SMPD4: variants seen among roughly 807,000 people sequenced by gnomAD.
The protein encoded by SMPD4 is sphingomyelin phosphodiesterase 4.
Under a neutral mutation model 97.8 loss-of-function variants are expected in SMPD4, and 58 were observed. The observed-to-expected ratio is 0.59, with a 90% CI of 0.48 to 0.74. The LOEUF (loss-of-function observed/expected upper bound fraction) is 0.74, where lower values mean the gene tolerates loss of function less well. SMPD4 is among the 30% of genes least tolerant of loss of function. The pLI, the probability that SMPD4 is intolerant of heterozygous loss-of-function variation, is 0.00. For missense variants in SMPD4, 853 were observed against 1,080.5 expected, an observed-to-expected ratio of 0.79 and a Z score of 2.95; for synonymous variants, 388 against 450.0, an observed-to-expected ratio of 0.86 and a Z score of 1.74.
At position 130,157,371 on chromosome 2, in the gene SMPD4, T is replaced by G; in HGVS notation, c.977A>C (p.His326Pro). Residue 326 changes from histidine to proline, a missense_variant, in exon 12 of 20, where the codon CAT (histidine) becomes CCT (proline). Around this residue, in one of 3 missense-constraint regions of SMPD4, gnomAD observed 29 missense variants for 70.2 expected, o/e 0.41. Transcript: ENST00000680298. ...CAGCAGCAGGCGCACCACCAACACA[T>G]GCTCCTCAGTAGGCGTGAACGACTC... ...YQESFTPTEE[H>P]VLVVRLLLKH... The G allele has an allele frequency of 6.2e-7, 1 of 1,607,908 alleles. No homozygotes were observed. Among genetic ancestry groups the G allele is most frequent in the Non-Finnish European group, 8.5e-7 (1 of 1,178,142 alleles).
intron 12 of SMPD4, 107 bp from the exon 13 acceptor site, chr2:130,156,782 C>A (rs775612752): frequency 1.3e-6 from 2 of 1,551,208 alleles, no homozygotes; most frequent in Admixed American, 3.9e-5. Flanking sequence ...CGGGGGAGAG[C>A]ACTGGGCACC....
chr2:130,165,163 G>A (rs1034366457), intron 9 of SMPD4, among the ~76,000 whole-genome samples: 4 of 142,394 alleles, frequency 2.8e-5, no homozygotes, highest in Admixed American at 7.1e-5. Context: ...GCTCACACCT[G>A]TAATCCCAAC....
chr2:130,178,775 A>C (rs1041524548), intron 1 of SMPD4, among the ~76,000 whole-genome samples: 1 of 150,998 alleles, frequency 6.6e-6, no homozygotes, highest in Non-Finnish European at 1.5e-5. Flanking sequence ...AGCCGGGGTG[A>C]TAGAGGGAAA....
intron 8 of SMPD4, 139 bp downstream of exon 8, chr2:130,172,210 C>G (rs147767322): frequency 1.0e-6 from 1 of 996,952 alleles, no homozygotes; most frequent in Non-Finnish European, 1.5e-6. Context: ...TGTGCTAAGA[C>G]AGCTGGGGAT....
rs774314828 is a variant in SMPD4 at position 130,156,085 on chromosome 2, G to C, written c.1239C>G (p.Asp413Glu). ...SYLQPWRYAPDKQAPGSDSQP... is the reference protein window; with the variant it reads ...SYLQPWRYAPEKQAPGSDSQP... ...GGGAGTCGCTGCCCGGAGCCTGCTT[G>C]TCAGGCGCGTACCGCCACGGCTGCA... Residue 413 changes from aspartate (D) to glutamate (E), a missense_variant, in exon 14 of 20, where the codon GAC becomes GAG. Physicochemically the swap from Asp to Glu is conservative, Grantham distance 45 (BLOSUM62 2). Transcript: ENST00000680298. 9 of 1,611,244 alleles carry C rather than the reference G, an allele frequency of 5.6e-6. No homozygotes were observed. Among genetic ancestry groups the C allele is most frequent in the Non-Finnish European group, 7.6e-6 (9 of 1,179,918 alleles).
chr2:130,165,061 G>A (rs1052927621), intron 9 of SMPD4, among the ~76,000 whole-genome samples: 1 of 128,224 alleles, frequency 7.8e-6, no homozygotes, highest in African/African-American at 3.1e-5. Context: ...AGTGAGCCAA[G>A]ACTGCACCAC....
At chr2:130,170,674 G>A (rs1688369986) in intron 8 of SMPD4, among the ~76,000 whole-genome samples, 1 of 151,762 alleles carries the variant, frequency 6.6e-6, no homozygotes, top group Non-Finnish European at 1.5e-5. Flanking sequence ...TGAAGTGGGA[G>A]GATCACTTGA....
intron 11 of SMPD4, among the ~76,000 whole-genome samples, chr2:130,158,906 C>T (rs1334245330): frequency 1.3e-5 from 2 of 152,216 alleles, no homozygotes; most frequent in African/African-American, 4.8e-5. Context: ...TCGCTACCCA[C>T]TCAAGTCTCC....
At chr2:130,158,069 G>A (rs1487268567) in intron 11 of SMPD4, 3 of 612,044 alleles carry the variant, frequency 4.9e-6, no homozygotes, top group African/African-American at 2.0e-5. Context: ...CAGCCCAGGA[G>A]TTTGAGGCTG....
Position 130,153,052 on chromosome 2 carries a change from G to A in SMPD4, c.2145C>T (p.Ile715=). The part of the protein sequence containing the change: ...VRTLFRLSSA[I]NHRFAGQMAA... ...CCTCCTGCCCACTCACTCTGTGGTT[G>A]ATGGCAGACGACAGCCTAAAGAGTG... Residue 715 remains isoleucine (I), a synonymous_variant, in exon 19 of 20, where the codon ATC becomes ATT. Transcript: ENST00000680298. The A allele has an allele frequency of 3.1e-6, 5 of 1,611,430 alleles. No homozygotes were observed. The South Asian group carries it at 5.5e-5, about 18-fold the overall frequency.
chr2:130,178,037 C>CTTAG (rs1689139783), intron 1 of SMPD4, among the ~76,000 whole-genome samples: 1 of 152,172 alleles, frequency 6.6e-6, no homozygotes, highest in Admixed American at 6.5e-5. Flanking sequence ...AAACAAAGAC[C>CTTAG]TTAGTTCTAC....
At chr2:130,166,532 G>A (rs1687945771) in intron 9 of SMPD4, among the ~76,000 whole-genome samples, 1 of 152,118 alleles carries the variant, frequency 6.6e-6, no homozygotes, top group Non-Finnish European at 1.5e-5. Flanking sequence ...ATGGTATGGA[G>A]GCTTCAAAAA....
intron 1 of SMPD4, among the ~76,000 whole-genome samples, chr2:130,179,113 T>G (rs1318179952): frequency 6.6e-6 from 1 of 151,496 alleles, no homozygotes; most frequent in African/African-American, 2.4e-5. Flanking sequence ...CTCCCAAGTT[T>G]TTTCAATTCT....
At chr2:130,180,210 G>A (rs1424220935) in intron 1 of SMPD4, among the ~76,000 whole-genome samples, 17 of 149,750 alleles carry the variant, frequency 1.1e-4, no homozygotes, top group Non-Finnish European at 1.0e-4. Context: ...TGATCCGCCC[G>A]CCTCAGCCTC....
chr2:130,180,389 A>C (rs528360368), intron 1 of SMPD4, among the ~76,000 whole-genome samples: 9 of 151,602 alleles, frequency 5.9e-5, no homozygotes, highest in Admixed American at 3.9e-4. Flanking sequence ...TCTCTTACTC[A>C]GCCTCCCAAG....
Position 130,158,455 on chromosome 2 carries a change from G to A in SMPD4, c.952-1059C>T, listed in dbSNP as rs13431176. Among the ~76,000 whole-genome samples the A allele has an allele frequency of 2.8e-3, 421 of 152,092 alleles. 1 individual carries two copies. The highest frequency in any genetic ancestry group is 9.0e-3 in the African/African-American group (374 of 41,500). ...ACTCAGCCTCCTGAGTAGCTGGGAC[G>A]ACAAGTGTGTGCCACCATGCCCAGC... On this transcript the variant is annotated intron_variant, in intron 11 of 19. Transcript: ENST00000680298.
At chr2:130,154,135 C>T in intron 16 of SMPD4, 142 bp downstream of exon 16, 1 of 1,201,536 alleles carries the variant, frequency 8.3e-7, no homozygotes. Flanking sequence ...AAAAATTAGA[C>T]TTTACTAAAA....
intron 11 of SMPD4, among the ~76,000 whole-genome samples, chr2:130,159,025 G>T (rs1687129410): frequency 6.6e-6 from 1 of 151,948 alleles, no homozygotes; most frequent in South Asian, 2.1e-4. Context: ...TTTGAGACAG[G>T]GTCTCACTCT....
chr2:130,181,112 T>C (rs1024962604), intron 1 of SMPD4, among the ~76,000 whole-genome samples: 3 of 152,268 alleles, frequency 2.0e-5, no homozygotes, highest in South Asian at 2.1e-4. Flanking sequence ...CTCCTGCCAA[T>C]TGGGCTTCGG....
Sources: allele counts gnomAD v4.1 joint callset (sites outside exome capture counted in the v4.1 genomes callset), GRCh38; gene constraint gnomAD v4.1.1; regional missense constraint gnomAD v4.1.1; transcripts MANE v1.5; gene names NCBI Gene and HGNC (gene_info 2026-07-23, HGNC 2026-07-21).